The following HNRNPR variants were observed in gnomAD, a reference collection of about 807,000 sequenced individuals.
HNRNPR encodes the protein heterogeneous nuclear ribonucleoprotein R.
In HNRNPR, 4 loss-of-function variants were observed where a neutral mutation model predicts 70.3. The observed-to-expected ratio is 0.06, with a 90% CI of 0.03 to 0.13. The LOEUF is 0.13. Among genes scored for constraint, HNRNPR ranks in the 10% least tolerant of loss-of-function variants. HNRNPR has a pLI of 1.00. For missense variants in HNRNPR, 423 were observed against 788.5 expected, an observed-to-expected ratio of 0.54 and a Z score of 5.55; for synonymous variants, 241 against 267.6, an observed-to-expected ratio of 0.90 and a Z score of 0.97.
chr1:23,327,069 T>C (rs1209459690), intron 5 of HNRNPR, among the ~76,000 whole-genome samples: 1 of 152,200 alleles, frequency 6.6e-6, no homozygotes, highest in Non-Finnish European at 1.5e-5. Flanking sequence ...TCTCCCCTCC[T>C]AGCCCCCACC....
intron 2 of HNRNPR, among the ~76,000 whole-genome samples, chr1:23,339,494 A>G (rs2148490423): frequency 6.6e-6 from 1 of 152,350 alleles, no homozygotes; most frequent in East Asian, 1.9e-4. Flanking sequence ...AAGTCTGTTA[A>G]GTTTGTGTCA....
chr1:23,343,664 G>A (rs1309553263), intron 1 of HNRNPR, among the ~76,000 whole-genome samples: 2 of 152,208 alleles, frequency 1.3e-5, no homozygotes, highest in African/African-American at 4.8e-5. Flanking sequence ...ATGTGGGAGG[G>A]GAGGGAGGCT....
chr1:23,337,616 C>T (rs765300763), intron 4 of HNRNPR, 138 bp downstream of exon 4: 82 of 578,094 alleles, frequency 1.4e-4, no homozygotes, highest in South Asian at 3.0e-4. Flanking sequence ...AAGACTGCGC[C>T]GCTACTCCAG....
rs148190442 is a variant in HNRNPR at position 23,321,416 on chromosome 1, C to A, written c.811+112G>T. 1.6e-3 allele frequency: 1,366 copies of A among 872,036 alleles called. 20 individuals are homozygous for A. In the African/African-American group the frequency reaches 0.021, roughly 13 times the overall value. 54.0% of individuals were successfully genotyped at this position (872,036 alleles called of 1,614,324 possible). On this transcript the variant is annotated intron_variant, in intron 7 of 10. Transcript: ENST00000302271. Reference sequence around the variant, plus strand: ...AAGCAGAAAGGAAGCAATTTAGATACTTCAGACCTGAATTCTTAATTTAAT... The same window carrying A: ...AAGCAGAAAGGAAGCAATTTAGATAATTCAGACCTGAATTCTTAATTTAAT...
At position 23,324,797 on chromosome 1, in the gene HNRNPR, T is replaced by C. The variant is rs537670358; in HGVS notation, c.499-1065A>G. On this transcript the variant is annotated intron_variant, in intron 5 of 10. Transcript: ENST00000302271. ...TATACAGTCAAAAACCCTCATTTGATACCAGATTACAATTTTCTTCAAGTT... is the reference window on the plus strand; with the variant it reads ...TATACAGTCAAAAACCCTCATTTGACACCAGATTACAATTTTCTTCAAGTT... Among the ~76,000 whole-genome samples, 23 of 152,272 alleles carry C rather than the reference T, an allele frequency of 1.5e-4. No homozygotes were observed. In the Middle Eastern group the frequency reaches 0.01, roughly 68 times the overall value.
chr1:23,311,415 C>A, intron 9 of HNRNPR, 93 bp from the exon 10 acceptor site: 1 of 796,374 alleles, frequency 1.3e-6, no homozygotes, highest in Non-Finnish European at 2.0e-6. Flanking sequence ...TAATTTAATA[C>A]ACTTAACAAT....
In HNRNPR at chr1:23,309,024, T is replaced by G. The variant is rs762955475; in HGVS notation, c.*1430A>C. 3.9e-5 allele frequency: 6 copies of G among 152,124 alleles called. No individual in the cohort carries two copies. The highest frequency in any genetic ancestry group is 4.4e-5 in the Non-Finnish European group (3 of 67,946). 9.4% of individuals were successfully genotyped at this position (152,124 alleles called of 1,614,324 possible). A position where few individuals can be genotyped will look rare whatever the true frequency, so the allele number is the denominator to read the frequency against. ...CTGTACCGTAAAGCTTAGATTCTTT[T>G]GTTCCTCTCATTCTCAAGCAAAAAA... On this transcript the variant is annotated 3_prime_UTR_variant, in exon 11 of 11. Coordinates refer to ENST00000302271, the MANE Select transcript of HNRNPR (RefSeq NM_005826.5).
chr1:23,337,048 A>C (rs527779307), intron 4 of HNRNPR, among the ~76,000 whole-genome samples: 1 of 152,340 alleles, frequency 6.6e-6, no homozygotes, highest in Non-Finnish European at 1.5e-5. Flanking sequence ...TTTATAAATA[A>C]AGAAACTGAG....
intron 5 of HNRNPR, among the ~76,000 whole-genome samples, chr1:23,332,449 T>A (rs1646275823): frequency 6.7e-6 from 1 of 150,216 alleles, no homozygotes; most frequent in African/African-American, 2.4e-5. Context: ...ACGCCTGTAA[T>A]CCCAGCACTT....
chr1:23,312,489 GA>G (rs1645373692), intron 9 of HNRNPR, among the ~76,000 whole-genome samples: 1 of 152,158 alleles, frequency 6.6e-6, no homozygotes, highest in South Asian at 2.1e-4. Flanking sequence ...CTATACCAGT[GA>G]AATTTCAGAA....
chr1:23,336,215 C>T (rs573446442), intron 4 of HNRNPR, among the ~76,000 whole-genome samples: 1 of 150,954 alleles, frequency 6.6e-6, no homozygotes, highest in East Asian at 1.9e-4. Flanking sequence ...CCCCCAAGGT[C>T]AGGAGTTTGA....
intron 1 of HNRNPR, among the ~76,000 whole-genome samples, chr1:23,342,284 C>A (rs1646731097): frequency 1.3e-5 from 2 of 152,012 alleles, no homozygotes; most frequent in African/African-American, 4.8e-5. Context: ...TCCACTGATA[C>A]TTAGTTGAAG....
chr1:23,330,942 A>T (rs1287783800), intron 5 of HNRNPR, among the ~76,000 whole-genome samples: 10 of 152,240 alleles, frequency 6.6e-5, no homozygotes, highest in Middle Eastern at 3.2e-3. Context: ...CCAATTTATT[A>T]TATCTACTAG....
intron 6 of HNRNPR, 30 bp downstream of exon 6, chr1:23,323,526 T>C (rs1645838444): frequency 1.3e-6 from 2 of 1,558,194 alleles, no homozygotes; most frequent in East Asian, 2.3e-5. Context: ...AAATAGTGAC[T>C]TGCTAAGACA....
intron 9 of HNRNPR, chr1:23,311,733 CAT>C (rs1346410340): frequency 6.0e-6 from 1 of 165,702 alleles, no homozygotes; most frequent in Non-Finnish European, 1.3e-5. Flanking sequence ...TTAAAATAAA[CAT>C]GTAGCATACA....
rs1490780658 is a variant in HNRNPR, at chr1:23,304,811, G to T, written c.*5643C>A. ...TTAAACTGATGATTAAATGGAAAAG[G>T]TCTTGCAAATGTCCCTATTTTGGTA... is the stretch of plus-strand genomic sequence containing the variant. On this transcript the variant is annotated 3_prime_UTR_variant, in exon 11 of 11. Transcript: ENST00000302271. 2 of 152,090 alleles carry T rather than the reference G, an allele frequency of 1.3e-5. No individual in the cohort carries two copies. The highest frequency in any genetic ancestry group is 2.4e-5 in the African/African-American group (1 of 41,394). 9.4% of individuals were successfully genotyped at this position (152,090 alleles called of 1,614,324 possible).
At chr1:23,316,604 A>C (rs774788453) in intron 8 of HNRNPR, among the ~76,000 whole-genome samples, 2 of 152,146 alleles carry the variant, frequency 1.3e-5, no homozygotes, top group Non-Finnish European at 2.9e-5. Flanking sequence ...CTATAATACT[A>C]TTTTAAAATA....
chr1:23,310,020 G>C lies in HNRNPR; in HGVS notation c.*434C>G, dbSNP rs1236957540. 6.5e-6 allele frequency: 1 copy of C among 153,262 alleles called. No homozygotes were observed. The highest frequency in any genetic ancestry group is 2.4e-5 in the African/African-American group (1 of 41,442). The allele number at this position is 153,262 out of a possible 1,614,324, so 9.5% of individuals were successfully genotyped here. A position where few individuals can be genotyped will look rare whatever the true frequency, so the allele number is the denominator to read the frequency against. On this transcript the variant is annotated 3_prime_UTR_variant, in exon 11 of 11. Coordinates refer to ENST00000302271, the MANE Select transcript of HNRNPR (RefSeq NM_005826.5). The surrounding 1 kb of genome is among the most constrained non-coding windows in gnomAD (Gnocchi z 6.0). The stretch of plus-strand genomic sequence containing the variant: ...TTTCAATACAAGAAAACTTAAATTT[G>C]TTTGCTTTAATTTCTTAAAACTACT...
intron 1 of HNRNPR, 25 bp from the exon 2 acceptor site, chr1:23,341,042 TATTAC>T (rs1646687025): frequency 6.3e-7 from 1 of 1,583,086 alleles, no homozygotes; most frequent in Non-Finnish European, 8.6e-7. Flanking sequence ...TCAGGAGCTA[TATTAC>T]ATTAAGCCAG....
Sources: gnomAD v4.1 joint callset for allele counts (sites outside exome capture counted in the v4.1 genomes callset) on GRCh38, gnomAD v4.1.1 for gene constraint, Gnocchi (gnomAD v3.1) non-coding constraint, MANE v1.5 for transcripts, NCBI Gene and HGNC (gene_info 2026-07-23, HGNC 2026-07-21) for gene names.